Variants in LRRN3 observed in about 807,000 individuals in gnomAD.
The protein encoded by LRRN3 is leucine rich repeat neuronal 3, also known as leucine-rich repeat neuronal protein 3.
A neutral mutation model predicts 40.1 loss-of-function variants in LRRN3; 15 were observed. The observed-to-expected ratio is 0.37, with a 90% CI of 0.25 to 0.58. The LOEUF (loss-of-function observed/expected upper bound fraction) is 0.58, where lower values mean the gene tolerates loss of function less well. Among genes scored for constraint, LRRN3 ranks in the 20% least tolerant of loss-of-function variants. The probability of loss-of-function intolerance (pLI) is 0.72; values close to 1 mark genes in which losing one functional copy is unlikely to be tolerated. For missense variants in LRRN3, 746 were observed against 837.7 expected (o/e 0.89, Z 1.35); for synonymous variants, 308 against 297.2 (o/e 1.04, Z -0.37).
intron 2 of LRRN3, among the ~76,000 whole-genome samples, chr7:111,101,230 T>C (rs1008286741): frequency 6.6e-6 from 1 of 151,590 alleles, no homozygotes; most frequent in African/African-American, 2.4e-5. Context: ...TTACCACTTA[T>C]TCATTTAGAC....
intron 2 of LRRN3, among the ~76,000 whole-genome samples, chr7:111,105,849 C>T (rs117806287): frequency 0.018 from 2,716 of 151,948 alleles, 31 homozygotes; most frequent in Non-Finnish European, 0.026. Context: ...TCTTTTATAG[C>T]ATCCCCACTT....
intron 1 of LRRN3, among the ~76,000 whole-genome samples, chr7:111,099,571 T>C (rs796572471): frequency 6.6e-6 from 1 of 151,738 alleles, no homozygotes; most frequent in Non-Finnish European, 1.5e-5. Flanking sequence ...GTCCTTCAAC[T>C]TGACTGTCCT....
At chr7:111,113,996 T>C (rs1260415138) in intron 2 of LRRN3, among the ~76,000 whole-genome samples, 5 of 152,268 alleles carry the variant, frequency 3.3e-5, no homozygotes, top group African/African-American at 1.2e-4. Flanking sequence ...TAAGGCCTAA[T>C]TAAATCCCTC....
chr7:111,123,792 G>A lies in LRRN3; in HGVS notation c.1020G>A (p.Met340Ile), dbSNP rs758622443. ...FFRLPKLESL[M>I]LNSNALSALY... Reference sequence around the variant, plus strand: ...GACTCCCCAAGCTGGAATCACTCATGCTGAACAGCAATGCTCTCAGTGCCC... The same window carrying A: ...GACTCCCCAAGCTGGAATCACTCATACTGAACAGCAATGCTCTCAGTGCCC... The change falls in exon 3 of 3, where the codon ATG becomes ATA. Residue 340 changes from methionine to isoleucine, a missense_variant. Met to Ile is a conservative substitution (Grantham distance 10). Coordinates refer to ENST00000308478, the MANE Select transcript of LRRN3 (RefSeq NM_001099658.2). This position sits in a 1 kb window ranked among gnomAD's most constrained non-coding sequence, Gnocchi z 6.4. The A allele has an allele frequency of 1.3e-5, 21 of 1,614,006 alleles. No homozygotes were observed. The highest frequency in any genetic ancestry group is 2.2e-5 in the East Asian group (1 of 44,862).
intron 2 of LRRN3, among the ~76,000 whole-genome samples, chr7:111,117,076 G>A (rs1799965263): frequency 6.6e-6 from 1 of 151,600 alleles, no homozygotes; most frequent in Non-Finnish European, 1.5e-5. Flanking sequence ...AGAAATAATG[G>A]CAGGTAACTA....
chr7:111,094,349 A>C (rs949356551), intron 1 of LRRN3, among the ~76,000 whole-genome samples: 2 of 152,158 alleles, frequency 1.3e-5, no homozygotes, highest in African/African-American at 2.4e-5. Context: ...TCATTAAAAG[A>C]AAGCTAATAG....
chr7:111,099,503 T>A (rs903939161), intron 1 of LRRN3, among the ~76,000 whole-genome samples: 4 of 151,740 alleles, frequency 2.6e-5, no homozygotes, highest in Non-Finnish European at 5.9e-5. Flanking sequence ...CTATATTAGC[T>A]GTTTGTAAAA....
At chr7:111,121,114 A>T (rs1242384435) in intron 2 of LRRN3, among the ~76,000 whole-genome samples, 2 of 152,220 alleles carry the variant, frequency 1.3e-5, no homozygotes, top group Admixed American at 6.5e-5. Context: ...TAAATGTTTA[A>T]CCTTTTAACG....
At chr7:111,120,803 C>A (rs1469830666) in intron 2 of LRRN3, among the ~76,000 whole-genome samples, 1 of 152,060 alleles carries the variant, frequency 6.6e-6, no homozygotes, top group Non-Finnish European at 1.5e-5. Flanking sequence ...CTACATCTAG[C>A]TTACTTAACA....
intron 2 of LRRN3, among the ~76,000 whole-genome samples, chr7:111,106,404 C>G (rs945491380): frequency 6.6e-6 from 1 of 152,020 alleles, no homozygotes; most frequent in South Asian, 2.1e-4. Context: ...TAATAGAAAT[C>G]TCTTCTCTCT....
intron 2 of LRRN3, among the ~76,000 whole-genome samples, chr7:111,101,748 G>T (rs569158005): frequency 2.0e-5 from 3 of 151,466 alleles, no homozygotes; most frequent in Non-Finnish European, 4.4e-5. Flanking sequence ...GATTTTAAGG[G>T]ACCTGACTGG....
intron 1 of LRRN3, among the ~76,000 whole-genome samples, chr7:111,095,196 C>T (rs1359552559): frequency 6.6e-6 from 1 of 151,912 alleles, no homozygotes. Context: ...CTGAAAGAGA[C>T]ATTAGTAGCT....
chr7:111,095,579 T>G (rs191513159), intron 1 of LRRN3, among the ~76,000 whole-genome samples: 1 of 152,170 alleles, frequency 6.6e-6, no homozygotes, highest in Admixed American at 6.6e-5. Context: ...CATTTGAATA[T>G]AGTTTACCAT....
intron 2 of LRRN3, among the ~76,000 whole-genome samples, chr7:111,106,041 A>G (rs905725600): frequency 1.3e-5 from 2 of 152,000 alleles, no homozygotes; most frequent in African/African-American, 4.8e-5. Flanking sequence ...TCTTAGAAAC[A>G]TATTTGTAAT....
intron 1 of LRRN3, among the ~76,000 whole-genome samples, chr7:111,098,733 A>G (rs137991722): frequency 4.5e-4 from 68 of 151,914 alleles, no homozygotes; most frequent in Middle Eastern, 3.4e-3. Context: ...AACGTGAAAA[A>G]TAAGGCTTAG....
intron 2 of LRRN3, among the ~76,000 whole-genome samples, chr7:111,107,814 T>C (rs1018784195): frequency 3.3e-5 from 5 of 152,148 alleles, no homozygotes; most frequent in Admixed American, 3.3e-4. Flanking sequence ...AAGCTCTTGG[T>C]CAAGCTGTAG....
intron 2 of LRRN3, among the ~76,000 whole-genome samples, chr7:111,117,796 G>C (rs1177994619): frequency 1.3e-5 from 2 of 151,918 alleles, no homozygotes; most frequent in Admixed American, 1.3e-4. Context: ...GGAAAAACTG[G>C]GTTTTAATGT....
chr7:111,123,415 C>A lies in LRRN3; in HGVS notation c.643C>A (p.Arg215Ser). The A allele has an allele frequency of 1.2e-6, 2 of 1,613,626 alleles. No individual in the cohort carries two copies. Among genetic ancestry groups the A allele is most frequent in the Non-Finnish European group, 1.7e-6 (2 of 1,179,854 alleles). ...DMNFKPLINL[R>S]SLVIAGINLT... The stretch of plus-strand genomic sequence containing the variant: ...GAACTTTAAGCCTCTTATCAATCTT[C>A]GCAGCCTGGTTATAGCTGGTATAAA... The change falls in exon 3 of 3, where the codon CGC becomes AGC. Residue 215 changes from arginine to serine, a missense_variant. Arg to Ser is a moderately radical substitution (Grantham distance 110, BLOSUM62 -1). Transcript: ENST00000308478. This position sits in a 1 kb window ranked among gnomAD's most constrained non-coding sequence, Gnocchi z 6.4.
At chr7:111,107,094 T>C (rs562705329) in intron 2 of LRRN3, among the ~76,000 whole-genome samples, 1 of 152,052 alleles carries the variant, frequency 6.6e-6, no homozygotes, top group South Asian at 2.1e-4. Context: ...TGCTCATGAA[T>C]AGACAATACT....
Sources: gnomAD v4.1 joint callset for allele counts (sites outside exome capture counted in the v4.1 genomes callset) on GRCh38, gnomAD v4.1.1 for gene constraint, Gnocchi (gnomAD v3.1) non-coding constraint, MANE v1.5 for transcripts, NCBI Gene and HGNC (gene_info 2026-07-23, HGNC 2026-07-21) for gene names.